PAH: variants seen among roughly 807,000 people sequenced by gnomAD.
PAH encodes phenylalanine-4-hydroxylase.
PAH carries 64 observed loss-of-function variants against 62.0 expected under a neutral mutation model. The ratio of observed to expected loss-of-function variants is 1.03; its 90% CI spans 0.84 to 1.27. The LOEUF (loss-of-function observed/expected upper bound fraction) is 1.27. Among genes scored for constraint, PAH ranks in the 50% most tolerant of loss-of-function variants. The pLI, the probability that PAH is intolerant of heterozygous loss-of-function variation, is 0.00. For missense variants in PAH, 579 were observed against 542.8 expected (o/e 1.07, Z -0.66); for synonymous variants, 195 against 196.2 (o/e 0.99, Z 0.05).
At chr12:102,918,728 A>G (rs1314089235), upstream of PAH, among the ~76,000 whole-genome samples, 1 of 152,210 alleles carries the variant, frequency 6.6e-6, no homozygotes, top group African/African-American at 2.4e-5. Context: ...TAGGGGCCTG[A>G]TGAATATTTC....
At chr12:102,911,338 G>A (rs575079990) in intron 2 of PAH, among the ~76,000 whole-genome samples, 7 of 152,240 alleles carry the variant, frequency 4.6e-5, no homozygotes, top group African/African-American at 1.7e-4. Flanking sequence ...TTTGCACTGC[G>A]CCCTGCAAAC....
At chr12:102,915,807 A>AT (rs1878358535) in intron 1 of PAH, among the ~76,000 whole-genome samples, 1 of 146,352 alleles carries the variant, frequency 6.8e-6, no homozygotes, top group Non-Finnish European at 1.5e-5. Context: ...AACCATTGAT[A>AT]TATATACAGC....
upstream of PAH, among the ~76,000 whole-genome samples, chr12:102,954,023 G>A (rs1251809258): frequency 6.6e-6 from 1 of 152,166 alleles, no homozygotes; most frequent in Non-Finnish European, 1.5e-5. Context: ...CTCCCTTCAT[G>A]TGAAGATAAA....
chr12:102,917,266 G>C, upstream of PAH: 1 of 768,912 alleles, frequency 1.3e-6, no homozygotes, highest in Non-Finnish European at 2.3e-6. Flanking sequence ...TCTCTTGCGT[G>C]GTGCATCTCC....
rs1009545424 is a variant in PAH at position 102,877,476 on chromosome 12, C to T, written c.427G>A (p.Asp143Asn). The T allele has an allele frequency of 6.2e-6, 10 of 1,613,624 alleles. No homozygotes were observed. The highest frequency in any genetic ancestry group is 8.5e-6 in the Non-Finnish European group (10 of 1,179,690). The change falls in exon 4 of 13, where the codon GAT becomes AAT. Residue 143 changes from aspartate (D) to asparagine (N), a missense_variant. By Grantham distance (23) the Asp-to-Asn change is conservative (BLOSUM62 1). Coordinates refer to ENST00000553106, the MANE Select transcript of PAH (RefSeq NM_000277.3). The part of the protein sequence containing the change: ...NQILSYGAEL[D>N]ADHPGFKDPV... ...CATGGACTCACAGGGTGGTCAGCAT[C>T]CAGTTCCGCTCCATAGCTGAGAATC...
chr12:102,926,101 C>T (rs74416818), intron 1 of PAH, among the ~76,000 whole-genome samples: 5 of 151,992 alleles, frequency 3.3e-5, no homozygotes, highest in African/African-American at 1.2e-4. Flanking sequence ...AAAGTAATTT[C>T]ACATCCTATT....
intron 3 of PAH, among the ~76,000 whole-genome samples, chr12:102,883,952 T>C (rs1340693313): frequency 1.3e-5 from 2 of 152,228 alleles, no homozygotes; most frequent in East Asian, 3.8e-4. Context: ...AGGATTAAAA[T>C]GAACTCATGT....
At chr12:102,895,869 A>ATATATATATATATAT (rs1555208129) in intron 2 of PAH, among the ~76,000 whole-genome samples, 3 of 118,740 alleles carry the variant, frequency 2.5e-5, no homozygotes, top group African/African-American at 1.1e-4. Context: ...AAAAAAAAAA[A>ATATATATATATATAT]ATATATATAT....
intron 1 of PAH, among the ~76,000 whole-genome samples, chr12:102,930,796 C>A (rs941298754): frequency 1.3e-5 from 2 of 152,202 alleles, no homozygotes; most frequent in Non-Finnish European, 2.9e-5. Flanking sequence ...CTTTCTTCCC[C>A]ATTTCTGTGG....
intron 1 of PAH, among the ~76,000 whole-genome samples, chr12:102,933,156 GTTC>G (rs1436878795): frequency 6.6e-6 from 1 of 152,048 alleles, no homozygotes; most frequent in Non-Finnish European, 1.5e-5. Flanking sequence ...GGTACCCATT[GTTC>G]TTCTCTCTGT....
At chr12:102,940,825 C>T (rs1879261503) in intron 1 of PAH, among the ~76,000 whole-genome samples, 2 of 152,062 alleles carry the variant, frequency 1.3e-5, no homozygotes, top group Admixed American at 1.3e-4. Flanking sequence ...TTCAGAGAAC[C>T]TCTGATATAC....
chr12:102,853,146 G>C (rs1359662358), intron 6 of PAH, 196 bp from the exon 7 acceptor site: 1 of 629,256 alleles, frequency 1.6e-6, no homozygotes, highest in Non-Finnish European at 2.8e-6. Context: ...CCATTTCTGA[G>C]CCTCAGTTTC....
intron 1 of PAH, among the ~76,000 whole-genome samples, chr12:102,947,428 G>A (rs1228325712): frequency 6.6e-6 from 1 of 152,162 alleles, no homozygotes; most frequent in African/African-American, 2.4e-5. Context: ...AGCAATGTTG[G>A]TCACACCAGT....
intron 6 of PAH, chr12:102,854,702 C>A: frequency 3.7e-6 from 1 of 267,156 alleles, no homozygotes; most frequent in African/African-American, 2.2e-5. Context: ...AGGATTCATA[C>A]CAGATGCACA....
At chr12:102,853,422 C>A in intron 6 of PAH, 1 of 232,172 alleles carries the variant, frequency 4.3e-6, no homozygotes, top group Non-Finnish European at 8.6e-6. Flanking sequence ...CAGTCTACCC[C>A]ATAAGTAGCA....
intron 8 of PAH, among the ~76,000 whole-genome samples, chr12:102,848,608 A>T (rs1422947576): frequency 4.6e-5 from 7 of 151,114 alleles, no homozygotes; most frequent in Non-Finnish European, 8.8e-5. Flanking sequence ...GGAGAGGTTG[A>T]GGGTAGACAA....
At chr12:102,938,355 G>C (rs1879175291) in intron 1 of PAH, among the ~76,000 whole-genome samples, 1 of 152,204 alleles carries the variant, frequency 6.6e-6, no homozygotes, top group Non-Finnish European at 1.5e-5. Flanking sequence ...ACTGCCTAGA[G>C]TCCGGGCAGA....
rs1210056131 is a variant in PAH, at chr12:102,866,606, T to A, written c.499A>T (p.Asn167Tyr). ...RRKQFADIAY[N>Y]YRHGQPIPRV... is the part of the protein sequence containing the mutation. ...GCAAGGCAGACTTACTGGCGGTAGT[T>A]GTAGGCAATGTCAGCAAACTGCTTC... is the stretch of plus-strand genomic sequence containing the variant. The change falls in exon 5 of 13, where the codon AAC (asparagine) becomes TAC (tyrosine). Residue 167 changes from asparagine to tyrosine, a missense_variant. Transcript: ENST00000553106. The A allele has an allele frequency of 3.7e-6, 6 of 1,613,472 alleles. No homozygotes were observed. Among genetic ancestry groups the A allele is most frequent in the Non-Finnish European group, 5.1e-6 (6 of 1,179,560 alleles).
chr12:102,843,428 C>T (rs1874672464), intron 11 of PAH, among the ~76,000 whole-genome samples: 1 of 152,002 alleles, frequency 6.6e-6, no homozygotes. Flanking sequence ...TTGCGTTGAA[C>T]AGGGACCAGG....
Sources: allele counts gnomAD v4.1 joint callset (sites outside exome capture counted in the v4.1 genomes callset), GRCh38; gene constraint gnomAD v4.1.1; transcripts MANE v1.5; gene names NCBI Gene and HGNC (gene_info 2026-07-23, HGNC 2026-07-21).